The following ATP9B variants were observed in gnomAD, a reference collection of about 807,000 sequenced individuals.
ATP9B encodes probable phospholipid-transporting ATPase IIB.
In ATP9B, 110 loss-of-function variants were observed where a neutral mutation model predicts 146.1. The observed-to-expected ratio is 0.75, with a 90% confidence interval of 0.65 to 0.88. ATP9B has a LOEUF of 0.88. ATP9B is among the 40% of genes least tolerant of loss of function. The pLI is 0.00. For synonymous variants in ATP9B, 604 were observed against 569.7 expected, an observed-to-expected ratio of 1.06 and a Z score of -0.86; for missense variants, 1,499 against 1,496.4, an observed-to-expected ratio of 1.00 and a Z score of -0.03.
At chr18:79,198,139 A>C (rs1475635168) in intron 9 of ATP9B, among the ~76,000 whole-genome samples, 1 of 152,176 alleles carries the variant, frequency 6.6e-6, no homozygotes, top group Non-Finnish European at 1.5e-5. Context: ...AATTAGAAAT[A>C]AATAAAAAAT....
chr18:79,240,891 C>T (rs918231403), intron 11 of ATP9B, among the ~76,000 whole-genome samples: 5 of 152,138 alleles, frequency 3.3e-5, no homozygotes, highest in Non-Finnish European at 7.3e-5. Flanking sequence ...AAGTTGGGGA[C>T]GGGGAGCTGC....
intron 11 of ATP9B, among the ~76,000 whole-genome samples, chr18:79,245,071 C>T (rs1276451311): frequency 6.6e-6 from 1 of 152,102 alleles, no homozygotes; most frequent in Non-Finnish European, 1.5e-5. Context: ...CAGTGACCTC[C>T]CACCCCCCAC....
At chr18:79,280,572 C>T (rs1486253299) in intron 13 of ATP9B, among the ~76,000 whole-genome samples, 2 of 152,100 alleles carry the variant, frequency 1.3e-5, no homozygotes, top group Admixed American at 1.3e-4. Context: ...ATGTTTAGAT[C>T]TCTTTTTTTT....
At chr18:79,190,405 A>G (rs886835115) in intron 8 of ATP9B, among the ~76,000 whole-genome samples, 1 of 152,146 alleles carries the variant, frequency 6.6e-6, no homozygotes, top group Admixed American at 6.5e-5. Flanking sequence ...ATTCATGTAT[A>G]AGTGGACCTG....
At chr18:79,307,947 G>A (rs749569236) in intron 15 of ATP9B, among the ~76,000 whole-genome samples, 1 of 152,128 alleles carries the variant, frequency 6.6e-6, no homozygotes, top group Non-Finnish European at 1.5e-5. Flanking sequence ...CCGATACTTT[G>A]TAAAACTGTG....
chr18:79,259,611 T>C (rs1449110368), intron 12 of ATP9B, among the ~76,000 whole-genome samples: 1 of 152,150 alleles, frequency 6.6e-6, no homozygotes, highest in African/African-American at 2.4e-5. Flanking sequence ...GGGTCTAGCC[T>C]CCAACCCAGT....
At chr18:79,079,320 T>C (rs146764292) in intron 1 of ATP9B, among the ~76,000 whole-genome samples, 5,183 of 152,306 alleles carry the variant, frequency 0.034, 302 homozygotes, top group African/African-American at 0.12. Context: ...CTCTCCAGCA[T>C]CTGTTGTTTC....
rs146353919 is a variant in ATP9B at position 79,226,408 on chromosome 18, A to G, written c.1107+12370A>G. On this transcript the variant is annotated intron_variant, in intron 11 of 29. Coordinates refer to ENST00000426216, the MANE Select transcript of ATP9B (RefSeq NM_198531.5). ...CAGCGCATCCTGCCTTTCTGTCTCA[A>G]CTCTTAGGAGAGATGTAACAAAATG... Among the ~76,000 whole-genome samples, 366 of 152,018 alleles carry G rather than the reference A, an allele frequency of 2.4e-3. 2 individuals are homozygous for G. The highest frequency in any genetic ancestry group is 6.4e-3 in the South Asian group (31 of 4,808).
chr18:79,131,691 A>G (rs1056074171), intron 5 of ATP9B, among the ~76,000 whole-genome samples: 1 of 152,238 alleles, frequency 6.6e-6, no homozygotes, highest in Admixed American at 6.5e-5. Context: ...ACAATAGCCA[A>G]AGGGTGATAA....
rs34938281 is a variant in ATP9B at position 79,110,384 on chromosome 18, G to A, written c.323G>A (p.Arg108Gln). The change falls in exon 3 of 30, where the codon CGA (arginine) becomes CAA (glutamine). Residue 108 changes from arginine (R) to glutamine (Q), a missense_variant. Arg to Gln is a conservative substitution (Grantham distance 43). Coordinates refer to ENST00000426216, the MANE Select transcript of ATP9B (RefSeq NM_198531.5). ...TGTGGTTGGCTGATAAATATTTGTC[G>A]AAGAAAGAAAGAGCTGAAAGCTCGC... ...SCCGWLINIC[R>Q]RKKELKARTV... The A allele has an allele frequency of 1.7e-3, 2,799 of 1,604,896 alleles. 31 individuals carry two copies. In the African/African-American group the frequency reaches 0.028, roughly 16 times the overall value.
At chr18:79,348,351 G>A (rs1359352563) in intron 25 of ATP9B, among the ~76,000 whole-genome samples, 155 bp downstream of exon 25, 1 of 152,072 alleles carries the variant, frequency 6.6e-6, no homozygotes, top group Admixed American at 6.5e-5. Flanking sequence ...TTTTACTTGG[G>A]TGAACTTCAA....
chr18:79,295,098 A>G (rs2096538053), intron 13 of ATP9B, among the ~76,000 whole-genome samples: 1 of 45,834 alleles, frequency 2.2e-5, no homozygotes, highest in Admixed American at 2.7e-4. Context: ...AAGCACACAC[A>G]TACACAGACA....
intron 21 of ATP9B, among the ~76,000 whole-genome samples, chr18:79,344,818 G>A (rs1013270180): frequency 2.0e-5 from 3 of 152,204 alleles, no homozygotes; most frequent in East Asian, 1.9e-4. Context: ...CCTGTCCAGC[G>A]CCTTGGTTCT....
Position 79,348,159 on chromosome 18 carries a change from G to A in ATP9B, c.2866G>A (p.Ala956Thr), listed in dbSNP as rs199793187. The change falls in exon 25 of 30, where the codon GCA becomes ACA. Residue 956 changes from alanine (A) to threonine (T), a missense_variant. Physicochemically the swap from Ala to Thr is moderately conservative, Grantham distance 58. Transcript: ENST00000426216. ...QAVFSSVFYF[A>T]SVPLYQGFLM... ...TGTGTTTTCCTCAGTCTTCTACTTC[G>A]CATCCGTCCCTTTGTATCAGGGCTT... is the stretch of plus-strand genomic sequence containing the variant. The A allele has an allele frequency of 5.6e-6, 9 of 1,609,388 alleles. No homozygotes were observed. The East Asian group carries it at 1.1e-4, about 20-fold the overall frequency.
chr18:79,186,814 A>G (rs2095312391), intron 8 of ATP9B, among the ~76,000 whole-genome samples: 1 of 152,202 alleles, frequency 6.6e-6, no homozygotes, highest in African/African-American at 2.4e-5. Context: ...TCTGTTCTTT[A>G]GAAATTTGGA....
At chr18:79,071,102 TC>T (rs1423194883) in intron 1 of ATP9B, among the ~76,000 whole-genome samples, 2 of 147,184 alleles carry the variant, frequency 1.4e-5, no homozygotes, top group African/African-American at 5.1e-5. Flanking sequence ...TTTTTTGGTA[TC>T]CCTATAGTGT....
chr18:79,252,416 C>G (rs73973033), intron 11 of ATP9B, among the ~76,000 whole-genome samples: 3 of 104,866 alleles, frequency 2.9e-5, no homozygotes, highest in Admixed American at 1.0e-4. Flanking sequence ...CTTCCTGCAG[C>G]GCCGAGTTCC....
At chr18:79,283,933 T>C (rs2145909058) in intron 13 of ATP9B, among the ~76,000 whole-genome samples, 1 of 152,300 alleles carries the variant, frequency 6.6e-6, no homozygotes, top group East Asian at 1.9e-4. Context: ...ATTAAAGCAA[T>C]ACATTAATTC....
intron 8 of ATP9B, among the ~76,000 whole-genome samples, chr18:79,189,344 C>CAA (rs148558215): frequency 1.1e-4 from 16 of 148,658 alleles, no homozygotes; most frequent in South Asian, 4.3e-4. Flanking sequence ...GAGACTCCAT[C>CAA]AAAAAAAAAA....
Sources: allele counts gnomAD v4.1 joint callset (sites outside exome capture counted in the v4.1 genomes callset), GRCh38; gene constraint gnomAD v4.1.1; transcripts MANE v1.5; gene names NCBI Gene and HGNC (gene_info 2026-07-23, HGNC 2026-07-21).